The following MDFIC2 variants were observed in gnomAD, a reference collection of about 807,000 sequenced individuals.
The protein encoded by MDFIC2 is MyoD family inhibitor domain containing 2.
chr3:70,305,445 A>G (rs1026655701), intron 2 of MDFIC2, among the ~76,000 whole-genome samples: 2 of 152,198 alleles, frequency 1.3e-5, no homozygotes, highest in Non-Finnish European at 2.9e-5. Context: ...GTGTGGCTTA[A>G]TATTTAAATG....
At chr3:70,285,365 T>C (rs1179681822) in intron 2 of MDFIC2, among the ~76,000 whole-genome samples, 2 of 152,036 alleles carry the variant, frequency 1.3e-5, no homozygotes, top group African/African-American at 4.8e-5. Flanking sequence ...ATTTCATCCA[T>C]GTCCCTACAA....
At chr3:70,287,004 C>T (rs1463951687) in intron 2 of MDFIC2, among the ~76,000 whole-genome samples, 3 of 149,562 alleles carry the variant, frequency 2.0e-5, no homozygotes, top group Non-Finnish European at 4.4e-5. Context: ...CGTCTGCAAA[C>T]AGGGACAATT....
chr3:70,221,490 C>A (rs1701459725), intron 2 of MDFIC2, among the ~76,000 whole-genome samples: 1 of 152,024 alleles, frequency 6.6e-6, no homozygotes, highest in Non-Finnish European at 1.5e-5. Context: ...TCCTCTTAAC[C>A]ACCGTGATAT....
chr3:70,267,658 C>T (rs1267845511), intron 2 of MDFIC2, among the ~76,000 whole-genome samples: 1 of 150,406 alleles, frequency 6.6e-6, no homozygotes, highest in Non-Finnish European at 1.5e-5. Context: ...CCTCGAGGTC[C>T]GCCTGCCTCG....
chr3:70,267,009 A>G (rs1701922322), intron 2 of MDFIC2, among the ~76,000 whole-genome samples: 1 of 152,150 alleles, frequency 6.6e-6, no homozygotes, highest in Non-Finnish European at 1.5e-5. Context: ...TTCCGGTCAT[A>G]GTTTTCTTAG....
chr3:70,310,521 A>G (rs1028454013), intron 2 of MDFIC2, among the ~76,000 whole-genome samples: 6 of 151,860 alleles, frequency 4.0e-5, no homozygotes, highest in Non-Finnish European at 8.8e-5. Context: ...GTGTGCCACC[A>G]CATCTGACTG....
chr3:70,285,531 T>A (rs1049104409), intron 2 of MDFIC2, among the ~76,000 whole-genome samples: 19 of 152,044 alleles, frequency 1.2e-4, no homozygotes, highest in African/African-American at 4.1e-4. Flanking sequence ...TGTGCATGTG[T>A]CTTTATAGCA....
chr3:70,216,430 T>A (rs1701413051), intron 2 of MDFIC2, among the ~76,000 whole-genome samples: 1 of 151,998 alleles, frequency 6.6e-6, no homozygotes, highest in Non-Finnish European at 1.5e-5. Context: ...TGGTAGGTAC[T>A]GCTAGTGTCA....
intron 2 of MDFIC2, among the ~76,000 whole-genome samples, chr3:70,212,361 C>G (rs1246417809): frequency 6.6e-6 from 1 of 152,146 alleles, no homozygotes; most frequent in Non-Finnish European, 1.5e-5. Context: ...TTCTTCTCCC[C>G]AAACTGGAAT....
chr3:70,298,133 T>C (rs935280345), intron 2 of MDFIC2, among the ~76,000 whole-genome samples: 1 of 152,124 alleles, frequency 6.6e-6, no homozygotes, highest in Non-Finnish European at 1.5e-5. Flanking sequence ...ATAAGGATAT[T>C]TGAAAATTAA....
rs74503205 is a variant in MDFIC2 at position 70,228,741 on chromosome 3, C to CT, written c.89-21952dup. 4.9e-3 allele frequency among the ~76,000 whole-genome samples: 650 copies of CT among 133,480 alleles called. 5 individuals carry two copies. Among genetic ancestry groups the CT allele is most frequent in the South Asian group, 0.043 (180 of 4,224 alleles). The allele number at this position is 133,480 out of a possible 152,430, so 87.6% of individuals were successfully genotyped here. ...TCTTCTCATTAATTTTTTCATGAAT[C>CT]TTTTTTTTTTTTTACTAACAACAGT... On this transcript the variant is annotated intron_variant, in intron 2 of 3. Transcript: ENST00000567252.
In MDFIC2 at chr3:70,206,680, T is replaced by C. The variant is rs946785979; in HGVS notation, c.199A>G (p.Asn67Asp). ...ITDGPAKENP[N>D]EKKLSESSTS... ...CTGGATTCTGACAGTTTTTTCTCAT[T>C]GGGGTTTTCCTTGGCTGGTCCATCT... Residue 67 changes from asparagine to aspartate, a missense_variant, in exon 3 of 4, where the codon AAT becomes GAT. Asn to Asp is a conservative substitution (Grantham distance 23). Transcript: ENST00000567252. The C allele has an allele frequency of 7.5e-6, 3 of 397,834 alleles. No homozygotes were observed. Among genetic ancestry groups the C allele is most frequent in the African/African-American group, 6.2e-5 (3 of 48,574 alleles). 24.6% of individuals were successfully genotyped at this position (397,834 alleles called of 1,614,324 possible).
rs1161596949 is a variant in MDFIC2 at position 70,263,252 on chromosome 3, G to C, written c.88+48634C>G. On this transcript the variant is annotated intron_variant, in intron 2 of 3. Coordinates refer to ENST00000567252, the MANE Select transcript of MDFIC2 (RefSeq NM_001364677.1). ...TTCAGTAATTTTTACTGTATGCTGG[G>C]TATTATAAATTTTATGTTATCGAGT... Among the ~76,000 whole-genome samples the C allele has an allele frequency of 5.9e-5, 9 of 151,976 alleles. No homozygotes were observed. The East Asian group carries it at 1.5e-3, about 26-fold the overall frequency.
intron 2 of MDFIC2, among the ~76,000 whole-genome samples, chr3:70,238,039 C>T (rs997398371): frequency 9.4e-6 from 1 of 106,808 alleles, no homozygotes; most frequent in Admixed American, 1.4e-4. Flanking sequence ...GGAAAGAGAA[C>T]TGTACTTTAT....
At chr3:70,263,796 T>C (rs1339025310) in intron 2 of MDFIC2, among the ~76,000 whole-genome samples, 1 of 152,132 alleles carries the variant, frequency 6.6e-6, no homozygotes, top group African/African-American at 2.4e-5. Flanking sequence ...TCCATCTGGG[T>C]TCCCGTTGCT....
At chr3:70,202,430 T>G (rs1701248965) in intron 3 of MDFIC2, among the ~76,000 whole-genome samples, 1 of 152,128 alleles carries the variant, frequency 6.6e-6, no homozygotes, top group Non-Finnish European at 1.5e-5. Context: ...GCCTTCTTGT[T>G]GTTGCTAATA....
chr3:70,246,815 A>G (rs2106646911), intron 2 of MDFIC2, among the ~76,000 whole-genome samples: 1 of 152,154 alleles, frequency 6.6e-6, no homozygotes, highest in Non-Finnish European at 1.5e-5. Context: ...AACCCAATAG[A>G]CCTTTATTTT....
rs62256478 is a variant in MDFIC2, at chr3:70,274,094, C to T, written c.88+37792G>A. ...GTGTGTGTGTGTGTGTGTGTGTGCG[C>T]GCGCGCATGTGTGTGTGTGAGACTG... On this transcript the variant is annotated intron_variant, in intron 2 of 3. Coordinates refer to ENST00000567252, the MANE Select transcript of MDFIC2 (RefSeq NM_001364677.1). Among the ~76,000 whole-genome samples, 123 of 51,220 alleles carry T rather than the reference C, an allele frequency of 2.4e-3. 1 individual carries two copies. The highest frequency in any genetic ancestry group is 0.011 in the Middle Eastern group (1 of 92). The allele number at this position is 51,220 out of a possible 152,430, so 33.6% of individuals were successfully genotyped here.
chr3:70,253,096 G>C (rs574103889), intron 2 of MDFIC2, among the ~76,000 whole-genome samples: 1 of 151,762 alleles, frequency 6.6e-6, no homozygotes, highest in African/African-American at 2.4e-5. Context: ...AAAAAAAATC[G>C]AAGAGAAACT....
Sources: allele counts gnomAD v4.1 joint callset (sites outside exome capture counted in the v4.1 genomes callset), GRCh38; gene constraint gnomAD v4.1.1; transcripts MANE v1.5; gene names NCBI Gene and HGNC (gene_info 2026-07-23, HGNC 2026-07-21).